Variants in ZDHHC20 observed in about 807,000 individuals in gnomAD.
The protein encoded by ZDHHC20 is palmitoyltransferase ZDHHC20.
A neutral mutation model predicts 57.8 loss-of-function variants in ZDHHC20; 43 were observed. The ratio of observed to expected loss-of-function variants is 0.74; its 90% CI spans 0.58 to 0.96. The LOEUF (loss-of-function observed/expected upper bound fraction) is 0.96, where lower values mean the gene tolerates loss of function less well. Ranked by LOEUF, ZDHHC20 falls within the 40% of genes least tolerant of loss-of-function variation. The probability of loss-of-function intolerance (pLI) is 0.00; values close to 1 mark genes in which losing one functional copy is unlikely to be tolerated. For missense variants in ZDHHC20, 391 were observed against 441.1 expected (o/e 0.89, Z 1.02); for synonymous variants, 157 against 153.0 (o/e 1.03, Z -0.19).
At chr13:21,413,561 C>T in intron 4 of ZDHHC20, 91 bp downstream of exon 4, 2 of 1,182,362 alleles carry the variant, frequency 1.7e-6, no homozygotes, top group Non-Finnish European at 2.3e-6. Flanking sequence ...TCATAGTATC[C>T]ATTTAATAGT....
At chr13:21,394,731 T>A (rs11839823) in intron 7 of ZDHHC20, among the ~76,000 whole-genome samples, 38,297 of 152,050 alleles carry the variant, frequency 0.25, 5,737 homozygotes, top group South Asian at 0.33. Context: ...TGGCACTAAA[T>A]CTGTTTAAAT....
intron 4 of ZDHHC20, among the ~76,000 whole-genome samples, chr13:21,407,796 T>C (rs1878661642): frequency 6.6e-6 from 1 of 152,240 alleles, no homozygotes; most frequent in African/African-American, 2.4e-5. Flanking sequence ...AATTTTTGTA[T>C]AAGGTGTAAG....
intron 1 of ZDHHC20, among the ~76,000 whole-genome samples, chr13:21,458,222 T>C (rs779998007): frequency 4.6e-5 from 7 of 152,326 alleles, no homozygotes; most frequent in Non-Finnish European, 1.0e-4. Context: ...GTAGGTTAAA[T>C]CCTTGAAGTA....
At chr13:21,425,066 C>T (rs1371116930) in intron 2 of ZDHHC20, among the ~76,000 whole-genome samples, 2 of 152,140 alleles carry the variant, frequency 1.3e-5, no homozygotes, top group African/African-American at 2.4e-5. Flanking sequence ...AATTTAATCT[C>T]AACAGACTTA....
intron 1 of ZDHHC20, among the ~76,000 whole-genome samples, chr13:21,451,965 C>T (rs1458537499): frequency 2.6e-5 from 4 of 151,982 alleles, no homozygotes; most frequent in Non-Finnish European, 5.9e-5. Flanking sequence ...TTGCACTCCA[C>T]CCTGGGCAAC....
chr13:21,435,326 C>T (rs1163701930), intron 1 of ZDHHC20, among the ~76,000 whole-genome samples: 3 of 152,046 alleles, frequency 2.0e-5, no homozygotes, highest in Non-Finnish European at 2.9e-5. Context: ...TCTTCTAATG[C>T]TTGAATGTTT....
At chr13:21,416,893 A>T (rs959644358) in intron 3 of ZDHHC20, among the ~76,000 whole-genome samples, 1 of 152,250 alleles carries the variant, frequency 6.6e-6, no homozygotes, top group Admixed American at 6.5e-5. Flanking sequence ...GATTTGGTGT[A>T]CCATGCAAAC....
intron 10 of ZDHHC20, among the ~76,000 whole-genome samples, 192 bp from the exon 11 acceptor site, chr13:21,381,741 C>T (rs376806365): frequency 1.3e-5 from 2 of 152,124 alleles, no homozygotes; most frequent in East Asian, 3.8e-4. Context: ...GCTCTCTAGA[C>T]CCAAGAATCT....
At chr13:21,428,449 G>T (rs1434793352) in intron 1 of ZDHHC20, among the ~76,000 whole-genome samples, 5 of 151,618 alleles carry the variant, frequency 3.3e-5, no homozygotes, top group Non-Finnish European at 7.4e-5. Flanking sequence ...TTGATCTCCT[G>T]ACCTCGTGAT....
chr13:21,427,898 T>C (rs962124225), intron 1 of ZDHHC20, among the ~76,000 whole-genome samples: 1 of 151,764 alleles, frequency 6.6e-6, no homozygotes, highest in Non-Finnish European at 1.5e-5. Flanking sequence ...CAGAGGACTT[T>C]CCTGACCACA....
intron 1 of ZDHHC20, among the ~76,000 whole-genome samples, chr13:21,447,233 A>G (rs1475717328): frequency 1.3e-4 from 2 of 15,770 alleles, no homozygotes; most frequent in African/African-American, 6.0e-4. Context: ...GGAGCCTCCG[A>G]GGCCGAGGAC....
intron 12 of ZDHHC20, among the ~76,000 whole-genome samples, chr13:21,378,292 T>G (rs1872606563): frequency 6.6e-6 from 1 of 152,182 alleles, no homozygotes; most frequent in African/African-American, 2.4e-5. Flanking sequence ...ACTCCTGGAC[T>G]TAAGTGATCC....
At chr13:21,444,280 T>C (rs368605242) in intron 1 of ZDHHC20, among the ~76,000 whole-genome samples, 13 of 152,202 alleles carry the variant, frequency 8.5e-5, no homozygotes, top group African/African-American at 2.9e-4. Flanking sequence ...AGGTTACTTG[T>C]TTATTATGTA....
intron 1 of ZDHHC20, among the ~76,000 whole-genome samples, chr13:21,435,546 T>C (rs1882455107): frequency 6.6e-6 from 1 of 152,214 alleles, no homozygotes; most frequent in African/African-American, 2.4e-5. Flanking sequence ...TGTTAGATTA[T>C]AATTCACAAA....
chr13:21,458,615 C>A (rs1485831474), intron 1 of ZDHHC20, among the ~76,000 whole-genome samples: 2 of 152,198 alleles, frequency 1.3e-5, no homozygotes, highest in African/African-American at 4.8e-5. Flanking sequence ...GGCGTTTCTT[C>A]TCGCGCAGTT....
At chr13:21,416,973 T>C (rs2137885638) in intron 3 of ZDHHC20, among the ~76,000 whole-genome samples, 1 of 152,340 alleles carries the variant, frequency 6.6e-6, no homozygotes, top group Non-Finnish European at 1.5e-5. Context: ...GGATGGGAAA[T>C]ACCTATCAGC....
At chr13:21,448,033 A>C (rs1333148094) in intron 1 of ZDHHC20, among the ~76,000 whole-genome samples, 6 of 80,526 alleles carry the variant, frequency 7.5e-5, no homozygotes, top group South Asian at 4.2e-4. Context: ...AAGTGAGGAG[A>C]CCCTCTGCCT....
Position 21,374,538 on chromosome 13 carries a change from A to C in ZDHHC20, c.*2158T>G, listed in dbSNP as rs1271250539. 2.5e-6 allele frequency: 1 copy of C among 407,076 alleles called. No homozygotes were observed. The highest frequency in any genetic ancestry group is 2.1e-5 in the African/African-American group (1 of 48,650). The allele number at this position is 407,076 out of a possible 1,614,324, so 25.2% of individuals were successfully genotyped here. A position where few individuals can be genotyped will look rare whatever the true frequency, so the allele number is the denominator to read the frequency against. On this transcript the variant is annotated 3_prime_UTR_variant, in exon 13 of 13. Coordinates refer to ENST00000400590, the MANE Select transcript of ZDHHC20 (RefSeq NM_001330059.2). ...GCATGAGCCACCACACCCAGCAATA[A>C]TTGGTATCTCTTAAATCTCATTCTA...
intron 11 of ZDHHC20, among the ~76,000 whole-genome samples, chr13:21,381,197 G>A (rs554722547): frequency 6.4e-4 from 98 of 152,060 alleles, no homozygotes; most frequent in African/African-American, 2.3e-3. Context: ...TAGTAGAGAC[G>A]GGGTTTCACC....
Sources: gnomAD v4.1 joint callset for allele counts (sites outside exome capture counted in the v4.1 genomes callset) on GRCh38, gnomAD v4.1.1 for gene constraint, MANE v1.5 for transcripts, NCBI Gene and HGNC (gene_info 2026-07-23, HGNC 2026-07-21) for gene names.